Variants in FOXP2 observed in about 807,000 individuals in gnomAD.
The protein encoded by FOXP2 is forkhead box P2.
FOXP2 carries 12 observed loss-of-function variants against 115.8 expected under a neutral mutation model. That is an observed-to-expected ratio of 0.10 (90% CI 0.07 to 0.17). The LOEUF is 0.17. Ranked by LOEUF, FOXP2 falls within the 10% of genes least tolerant of loss-of-function variation. The pLI is 1.00. For synonymous variants in FOXP2, 328 were observed against 297.7 expected (o/e 1.10, Z -1.05); for missense variants, 629 against 843.5 (o/e 0.75, Z 3.15).
At chr7:114,462,738 CAT>C (rs1196917740) in intron 2 of FOXP2, among the ~76,000 whole-genome samples, 4 of 152,140 alleles carry the variant, frequency 2.6e-5, no homozygotes, top group Non-Finnish European at 4.4e-5. Flanking sequence ...TGAAATCAGA[CAT>C]ATGCATTCTG....
intron 2 of FOXP2, among the ~76,000 whole-genome samples, chr7:114,310,999 G>A (rs139903410): frequency 7.2e-4 from 109 of 152,196 alleles, no homozygotes; most frequent in African/African-American, 2.5e-3. Flanking sequence ...CTTGGGGTGG[G>A]CTGTCTGCCT....
At chr7:114,530,295 A>G (rs1799080690) in intron 2 of FOXP2, among the ~76,000 whole-genome samples, 1 of 151,906 alleles carries the variant, frequency 6.6e-6, no homozygotes, top group African/African-American at 2.4e-5. Context: ...TATCAACATC[A>G]AATATGCTTC....
rs1807355308 is a variant in FOXP2, at chr7:114,669,235, A to G, written c.2003+4799A>G. ...AAACAATTATCAAAATTTAGGCAAT[A>G]TAAATCAGATGAATGTTTAAGGGGA... On this transcript the variant is annotated intron_variant, in intron 16 of 16. Coordinates refer to ENST00000350908, the MANE Select transcript of FOXP2 (RefSeq NM_014491.4). 2.0e-5 allele frequency: 3 copies of G among 152,190 alleles called. No individual in the cohort carries two copies. The South Asian group carries it at 6.2e-4, about 32-fold the overall frequency. The allele number at this position is 152,190 out of a possible 1,614,324, so 9.4% of individuals were successfully genotyped here. A position where few individuals can be genotyped will look rare whatever the true frequency, so the allele number is the denominator to read the frequency against.
intron 2 of FOXP2, among the ~76,000 whole-genome samples, chr7:114,529,945 A>T (rs894094069): frequency 6.6e-6 from 1 of 151,970 alleles, no homozygotes; most frequent in African/African-American, 2.4e-5. Context: ...TAATTAGAAA[A>T]TTAAACTCTG....
intron 1 of FOXP2, among the ~76,000 whole-genome samples, chr7:114,140,420 G>A (rs1400359394): frequency 2.6e-5 from 4 of 152,138 alleles, no homozygotes; most frequent in South Asian, 2.1e-4. Flanking sequence ...GGAGCCTGAC[G>A]TGCACGGTTT....
chr7:114,474,861 A>C (rs934125297), intron 2 of FOXP2, among the ~76,000 whole-genome samples: 1 of 151,872 alleles, frequency 6.6e-6, no homozygotes, highest in African/African-American at 2.4e-5. Context: ...GCATCTCTTG[A>C]CTTGTTCCAG....
rs188705317 is a variant in FOXP2, at chr7:114,213,113, T to C, written c.-102+50025T>C. On this transcript the variant is annotated intron_variant, in intron 1 of 17. Coordinates refer to the FOXP2 transcript ENST00000634411. Reference sequence around the variant, plus strand: ...TAGATTTCTCTGTTAGTGGTATTTGTTACATACACTATCCCATTGTTTTCT... The same window carrying C: ...TAGATTTCTCTGTTAGTGGTATTTGCTACATACACTATCCCATTGTTTTCT... Among the ~76,000 whole-genome samples the C allele has an allele frequency of 3.2e-3, 480 of 152,340 alleles. 4 individuals carry two copies. The highest frequency in any genetic ancestry group is 0.011 in the African/African-American group (460 of 41,588).
intron 1 of FOXP2, among the ~76,000 whole-genome samples, chr7:114,282,353 C>A: frequency 6.6e-6 from 1 of 152,006 alleles, no homozygotes; most frequent in Non-Finnish European, 1.5e-5. Context: ...AAATTTATGA[C>A]CTCAATAATG....
chr7:114,206,595 A>T (rs1008578768), intron 1 of FOXP2, among the ~76,000 whole-genome samples: 1 of 152,068 alleles, frequency 6.6e-6, no homozygotes, highest in South Asian at 2.1e-4. Flanking sequence ...TCATGATCTT[A>T]TTACAAACTG....
intron 1 of FOXP2, among the ~76,000 whole-genome samples, chr7:114,281,240 T>C (rs1796330415): frequency 6.6e-6 from 1 of 151,668 alleles, no homozygotes. Flanking sequence ...TAGCTGGCAT[T>C]ACAGGTGCCT....
chr7:114,657,989 C>G (rs755420500), intron 10 of FOXP2, 77 bp from the exon 11 acceptor site: 2 of 1,520,082 alleles, frequency 1.3e-6, no homozygotes, highest in East Asian at 4.5e-5. Flanking sequence ...AGTGAATCCA[C>G]TCTCATTTGT....
At chr7:114,334,834 C>G (rs1797802280) in intron 2 of FOXP2, among the ~76,000 whole-genome samples, 1 of 148,162 alleles carries the variant, frequency 6.7e-6, no homozygotes, top group South Asian at 2.1e-4. Context: ...AAATGAGAAT[C>G]AGGTTTTGTG....
intron 3 of FOXP2, among the ~76,000 whole-genome samples, chr7:114,581,095 ACACACACACACAAG>A (rs1351532821): frequency 6.6e-6 from 1 of 151,370 alleles, no homozygotes; most frequent in Non-Finnish European, 1.5e-5. Context: ...ACACACACAC[ACACACACACACAAG>A]CACACGGACA....
intron 16 of FOXP2, among the ~76,000 whole-genome samples, chr7:114,670,669 T>C (rs1474832859): frequency 1.3e-5 from 2 of 152,126 alleles, no homozygotes; most frequent in Non-Finnish European, 2.9e-5. Context: ...TTCTTCCTTC[T>C]ATTCTCTTTG....
chr7:114,637,120 T>C (rs550739544), intron 6 of FOXP2, among the ~76,000 whole-genome samples: 7 of 152,158 alleles, frequency 4.6e-5, no homozygotes, highest in African/African-American at 1.7e-4. Context: ...GTCAGGGCTA[T>C]AGTGATCTGT....
chr7:114,255,348 G>C (rs1795580834), intron 1 of FOXP2, among the ~76,000 whole-genome samples: 1 of 152,152 alleles, frequency 6.6e-6, no homozygotes, highest in Non-Finnish European at 1.5e-5. Context: ...GTCTGCAGTG[G>C]TTTCTGCTGC....
chr7:114,621,678 C>A (rs1277666539), intron 3 of FOXP2, among the ~76,000 whole-genome samples: 1 of 151,838 alleles, frequency 6.6e-6, no homozygotes, highest in Non-Finnish European at 1.5e-5. Flanking sequence ...CATCAGGATC[C>A]AATTTAGAGG....
chr7:114,398,042 GAGAGAAGACAAA>G (rs1182106733), intron 2 of FOXP2, among the ~76,000 whole-genome samples: 1 of 151,926 alleles, frequency 6.6e-6, no homozygotes, highest in Non-Finnish European at 1.5e-5. Flanking sequence ...CATTAACCAA[GAGAGAAGACAAA>G]AGAGAAGACA....
At chr7:114,091,540 T>A (rs145763550) in intron 1 of FOXP2, among the ~76,000 whole-genome samples, 27 of 152,018 alleles carry the variant, frequency 1.8e-4, no homozygotes, top group African/African-American at 6.5e-4. Context: ...TGTATTTATC[T>A]ATACAGATAT....
Sources: gnomAD v4.1 joint callset for allele counts (sites outside exome capture counted in the v4.1 genomes callset) on GRCh38, gnomAD v4.1.1 for gene constraint, MANE v1.5 for transcripts, NCBI Gene and HGNC (gene_info 2026-07-23, HGNC 2026-07-21) for gene names.